GPLD1: variants seen among roughly 807,000 people sequenced by gnomAD.
GPLD1 encodes phosphatidylinositol-glycan-specific phospholipase D.
In GPLD1, 84 loss-of-function variants were observed where a neutral mutation model predicts 112.6. The ratio of observed to expected loss-of-function variants is 0.75; its 90% CI spans 0.63 to 0.89. GPLD1 has a LOEUF of 0.89. GPLD1 is among the 40% of genes least tolerant of loss of function. The pLI is 0.00. For synonymous variants in GPLD1, 386 were observed against 403.8 expected (o/e 0.96, Z 0.53); for missense variants, 1,044 against 1,051.5 (o/e 0.99, Z 0.10).
chr6:24,468,192 C>A (rs1277380353), intron 7 of GPLD1, among the ~76,000 whole-genome samples: 1 of 152,150 alleles, frequency 6.6e-6, no homozygotes, highest in Non-Finnish European at 1.5e-5. Context: ...AGGCGTGAGC[C>A]ACCACACCTG....
chr6:24,472,558 T>A, intron 7 of GPLD1, 24 bp downstream of exon 7: 2 of 1,419,498 alleles, frequency 1.4e-6, no homozygotes, highest in South Asian at 2.3e-5. Context: ...AGATACCACA[T>A]ATTTAGATGT....
At position 24,453,005 on chromosome 6, in the gene GPLD1, A is replaced by AC. The variant is rs536337609; in HGVS notation, c.1335+1009dup. 2.6e-4 allele frequency among the ~76,000 whole-genome samples: 39 copies of AC among 150,196 alleles called. No homozygotes were observed. The South Asian group carries it at 4.3e-3, about 16-fold the overall frequency. The stretch of plus-strand genomic sequence containing the variant: ...CTAGTAGCAGAGCTCTGTCTACCCC[A>AC]CCCCCCCACGCTCCTCCTTATTGCT... On this transcript the variant is annotated intron_variant, in intron 14 of 24. Coordinates refer to ENST00000230036, the MANE Select transcript of GPLD1 (RefSeq NM_001503.4).
Position 24,436,603 on chromosome 6 carries a change from T to C in GPLD1, c.2331A>G (p.Ser777=), listed in dbSNP as rs1062522. The C allele has an allele frequency of 3.1e-6, 5 of 1,614,088 alleles. No individual in the cohort carries two copies. The highest frequency in any genetic ancestry group is 3.4e-6 in the Non-Finnish European group (4 of 1,179,958). ...TTTCTTCTGGACATGGAGTTATCCA[T>C]GATTTGCATTTGCCAGTCATGTCAC... ...TLGDMTGKCK[S]WITPCPEEKA... Residue 777 remains serine (S), a synonymous_variant, in exon 22 of 25, where the codon TCA becomes TCG. Coordinates refer to ENST00000230036, the MANE Select transcript of GPLD1 (RefSeq NM_001503.4).
chr6:24,431,448 G>GTATAT (rs1477413563), intron 24 of GPLD1, among the ~76,000 whole-genome samples: 1 of 151,978 alleles, frequency 6.6e-6, no homozygotes, highest in Non-Finnish European at 1.5e-5. Flanking sequence ...TCAAGAACAG[G>GTATAT]GACTCTGCCC....
rs987020664 is a variant in GPLD1 at position 24,494,936 on chromosome 6, C to G, written n.239+31G>C. ...TCGCTCCTCTTGCTTCCCCGCGACC[C>G]CTGCGTTCCCGTGCGCGCGCGCCCG... is the stretch of plus-strand genomic sequence containing the variant. On this transcript the variant is annotated intron_variant and non_coding_transcript_variant, in intron 1 of 10. Transcript: ENST00000474784. 4 of 1,269,226 alleles carry G rather than the reference C, an allele frequency of 3.2e-6. No individual in the cohort carries two copies. In the African/African-American group the frequency reaches 6.1e-5, roughly 19 times the overall value. The allele number at this position is 1,269,226 out of a possible 1,614,324, so 78.6% of individuals were successfully genotyped here.
At chr6:24,467,038 C>A (rs1763642264) in intron 8 of GPLD1, 99 bp from the exon 9 acceptor site, 8 of 1,146,036 alleles carry the variant, frequency 7.0e-6, no homozygotes, top group Non-Finnish European at 9.2e-6. Context: ...TTTCCACCGT[C>A]ATGCAACTGC....
chr6:24,454,058 AG>A lies in GPLD1; in HGVS notation c.1291del (p.Leu431TrpfsTer92). 6.2e-7 allele frequency: 1 copy of A among 1,613,306 alleles called. No individual in the cohort carries two copies. The highest frequency in any genetic ancestry group is 8.5e-7 in the Non-Finnish European group (1 of 1,179,360). On this transcript the variant is annotated frameshift_variant, in exon 14 of 25. Coordinates refer to ENST00000230036, the MANE Select transcript of GPLD1 (RefSeq NM_001503.4). LOFTEE classifies it high-confidence loss of function. Reference sequence around the variant, plus strand: ...CCTGTGGGCCTCCTTGTCCAGGTCCAGGTCAACAGGTGGCAGGCCCAGGTCA... The same window carrying A: ...CCTGTGGGCCTCCTTGTCCAGGTCCAGTCAACAGGTGGCAGGCCCAGGTCA... ...GNDLGLPPVD[L>X]DLDKEAHRIL...
intron 5 of GPLD1, among the ~76,000 whole-genome samples, chr6:24,474,190 C>T (rs112171855): frequency 0.074 from 10,931 of 148,136 alleles, 1,149 homozygotes; most frequent in African/African-American, 0.24. Flanking sequence ...CACACACACA[C>T]ACACACACAC....
intron 24 of GPLD1, 97 bp downstream of exon 24, chr6:24,433,090 T>C: frequency 1.2e-6 from 1 of 851,536 alleles, no homozygotes. Flanking sequence ...CCTTTTCAAA[T>C]AAAAATAAAA....
At chr6:24,451,846 C>G (rs373529227) in intron 14 of GPLD1, among the ~76,000 whole-genome samples, 5 of 152,176 alleles carry the variant, frequency 3.3e-5, no homozygotes, top group Non-Finnish European at 7.3e-5. Context: ...ACACAAAACA[C>G]GCTAGGGCAG....
In GPLD1 at chr6:24,429,136, C is replaced by T. The variant is rs77246237; in HGVS notation, c.2437-18G>A. 2 of 1,546,110 alleles carry T rather than the reference C, an allele frequency of 1.3e-6. No homozygotes were observed. Among genetic ancestry groups the T allele is most frequent in the Non-Finnish European group, 8.9e-7 (1 of 1,118,842 alleles). ...ACTTGGTTCTGTAAGGGACACAAGA[C>T]AGAATTCATGGCTCATTCATAACAT... On this transcript the variant is annotated intron_variant, in intron 24 of 24. Transcript: ENST00000230036.
chr6:24,479,526 G>A (rs1335465348), intron 3 of GPLD1, among the ~76,000 whole-genome samples: 1 of 152,218 alleles, frequency 6.6e-6, no homozygotes, highest in Non-Finnish European at 1.5e-5. Context: ...TTGAGATTCT[G>A]TGGATAAGTG....
upstream of GPLD1, among the ~76,000 whole-genome samples, chr6:24,491,469 C>T (rs1438444813): frequency 1.3e-5 from 2 of 152,118 alleles, no homozygotes; most frequent in Non-Finnish European, 2.9e-5. Flanking sequence ...GAGGCCAAGG[C>T]GGGCAGATGG....
chr6:24,471,363 T>C (rs965852784), intron 7 of GPLD1, among the ~76,000 whole-genome samples: 3 of 151,720 alleles, frequency 2.0e-5, no homozygotes, highest in African/African-American at 7.3e-5. Context: ...AGGTGGAGGC[T>C]GAGGTGGGAG....
chr6:24,462,895 TA>T (rs1763482931), intron 10 of GPLD1, 100 bp from the exon 11 acceptor site: 5 of 875,104 alleles, frequency 5.7e-6, no homozygotes, highest in African/African-American at 3.3e-5. Flanking sequence ...CCCAAAGGCT[TA>T]AAGTGTTTAT....
At chr6:24,433,837 C>CT (rs1762486256) in intron 22 of GPLD1, among the ~76,000 whole-genome samples, 2 of 152,036 alleles carry the variant, frequency 1.3e-5, no homozygotes, top group Admixed American at 1.3e-4. Flanking sequence ...TGTGCATGCC[C>CT]TTTGACCCCA....
intron 22 of GPLD1, among the ~76,000 whole-genome samples, chr6:24,434,184 G>A (rs1220195938): frequency 6.6e-6 from 1 of 151,928 alleles, no homozygotes; most frequent in African/African-American, 2.4e-5. Context: ...GATCACTGGA[G>A]GTCAGGAGTT....
At chr6:24,481,841 G>A (rs1425794643) in intron 2 of GPLD1, among the ~76,000 whole-genome samples, 1 of 152,130 alleles carries the variant, frequency 6.6e-6, no homozygotes, top group Non-Finnish European at 1.5e-5. Context: ...CCAAAAGATA[G>A]CTTGAGTTGG....
chr6:24,482,330 G>C (rs559867571), intron 2 of GPLD1, among the ~76,000 whole-genome samples: 1 of 151,984 alleles, frequency 6.6e-6, no homozygotes, highest in African/African-American at 2.4e-5. Context: ...ACCCAGGCTA[G>C]AGTGCAATGG....
Sources: gnomAD v4.1 joint callset for allele counts (sites outside exome capture counted in the v4.1 genomes callset) on GRCh38, gnomAD v4.1.1 for gene constraint, MANE v1.5 for transcripts, NCBI Gene and HGNC (gene_info 2026-07-23, HGNC 2026-07-21) for gene names.